The following GPM6A variants were observed in gnomAD, a reference collection of about 807,000 sequenced individuals.
GPM6A encodes glycoprotein M6A, also known as neuronal membrane glycoprotein M6-a.
GPM6A carries 7 observed loss-of-function variants against 32.1 expected under a neutral mutation model. The ratio of observed to expected loss-of-function variants is 0.22; its 90% CI spans 0.12 to 0.41. The LOEUF (loss-of-function observed/expected upper bound fraction) is 0.41. GPM6A is among the 10% of genes least tolerant of loss of function. The probability of loss-of-function intolerance (pLI) is 1.00; values close to 1 mark genes in which losing one functional copy is unlikely to be tolerated. For synonymous variants in GPM6A, 130 were observed against 123.4 expected, an observed-to-expected ratio of 1.05 and a Z score of -0.35; for missense variants, 235 against 347.2, an observed-to-expected ratio of 0.68 and a Z score of 2.57.
At chr4:175,970,893 T>C (rs1173879802) in intron 1 of GPM6A, 2 of 450,964 alleles carry the variant, frequency 4.4e-6, no homozygotes, top group Non-Finnish European at 8.8e-6. Context: ...CATCACTCGA[T>C]ACCGACAGAC....
chr4:175,643,971 C>G (rs1741302556), intron 4 of GPM6A, among the ~76,000 whole-genome samples: 1 of 152,100 alleles, frequency 6.6e-6, no homozygotes, highest in African/African-American at 2.4e-5. Context: ...AGGGAAGAAC[C>G]AGGTGAGAAG....
At chr4:175,676,894 T>C (rs561719759) in intron 2 of GPM6A, among the ~76,000 whole-genome samples, 52 of 152,352 alleles carry the variant, frequency 3.4e-4, no homozygotes, top group Non-Finnish European at 6.2e-4. Context: ...AGAAAATAAA[T>C]TTGATTTGAA....
intron 1 of GPM6A, among the ~76,000 whole-genome samples, chr4:175,995,103 T>G (rs527633890): frequency 1.6e-3 from 244 of 152,262 alleles, no homozygotes; most frequent in South Asian, 0.016. Context: ...AGTTACTTCC[T>G]CCACTGAAGG....
At chr4:175,763,399 C>A (rs555195833) in intron 1 of GPM6A, among the ~76,000 whole-genome samples, 1 of 152,248 alleles carries the variant, frequency 6.6e-6, no homozygotes, top group South Asian at 2.1e-4. Flanking sequence ...TGATTACCAT[C>A]AAGTATTTTG....
intron 1 of GPM6A, among the ~76,000 whole-genome samples, chr4:175,826,334 CGT>C (rs142364470): frequency 5.3e-5 from 8 of 149,778 alleles, no homozygotes; most frequent in East Asian, 2.0e-4. Context: ...GTGGCGTACA[CGT>C]GTGTGTGTGT....
intron 1 of GPM6A, among the ~76,000 whole-genome samples, chr4:175,776,021 G>A (rs915345241): frequency 7.9e-5 from 12 of 151,996 alleles, no homozygotes; most frequent in African/African-American, 2.9e-4. Flanking sequence ...AAAAAGCCAA[G>A]GACACAATAT....
chr4:175,686,364 G>A (rs1445536423), intron 2 of GPM6A, among the ~76,000 whole-genome samples: 2 of 152,144 alleles, frequency 1.3e-5, no homozygotes, highest in Non-Finnish European at 2.9e-5. Context: ...ACTTAACATG[G>A]CAAAGGAGTG....
At chr4:175,796,819 T>C (rs561058933) in intron 1 of GPM6A, among the ~76,000 whole-genome samples, 11 of 152,284 alleles carry the variant, frequency 7.2e-5, no homozygotes, top group East Asian at 1.9e-4. Flanking sequence ...ATGAAGGAGC[T>C]TGAAGACTGC....
intron 1 of GPM6A, among the ~76,000 whole-genome samples, chr4:175,801,533 T>A (rs1734471082): frequency 6.6e-6 from 1 of 152,044 alleles, no homozygotes; most frequent in South Asian, 2.1e-4. Flanking sequence ...GCAAAATACA[T>A]TTGTCAGTTA....
intron 1 of GPM6A, among the ~76,000 whole-genome samples, chr4:175,718,948 AAATTCAAATTCTCTTT>A: frequency 6.6e-6 from 1 of 152,186 alleles, no homozygotes; most frequent in Non-Finnish European, 1.5e-5. Flanking sequence ...AGAAATTAAA[AAATTCAAATTCTCTTT>A]AAAAAGAGAA....
At chr4:175,878,746 A>G (rs1459579942) in intron 1 of GPM6A, among the ~76,000 whole-genome samples, 1 of 151,988 alleles carries the variant, frequency 6.6e-6, no homozygotes, top group African/African-American at 2.4e-5. Context: ...TTGTCTCCTC[A>G]TTACTTGTGC....
rs577716374 is a variant in GPM6A at position 175,945,794 on chromosome 4, G to T, written c.-23+56515C>A. On this transcript the variant is annotated intron_variant, in intron 1 of 7. Transcript: ENST00000280187. ...TATTACATACAACTCAGTAATACGGGTGCATATTACGTACAACTCAGTAAT... is the reference window on the plus strand; with the variant it reads ...TATTACATACAACTCAGTAATACGGTTGCATATTACGTACAACTCAGTAAT... Among the ~76,000 whole-genome samples, 454 of 147,226 alleles carry T rather than the reference G, an allele frequency of 3.1e-3. 1 individual carries two copies. The highest frequency in any genetic ancestry group is 0.011 in the African/African-American group (410 of 37,256).
At chr4:175,781,274 TC>T (rs1733605197) in intron 1 of GPM6A, 1 of 152,176 alleles carries the variant, frequency 6.6e-6, no homozygotes, top group Admixed American at 6.5e-5. Context: ...GACTGAGGAA[TC>T]CCAGGTGGTC....
Position 175,634,767 on chromosome 4 carries a change from T to TTTATGTTATGAATC in GPM6A, c.*137_*138insGATTCATAACATAA. On this transcript the variant is annotated 3_prime_UTR_variant, in exon 7 of 7. Coordinates refer to ENST00000393658, the MANE Select transcript of GPM6A (RefSeq NM_201591.3). ...TTAAGTGCTAAACAACAAAGAATTG[T>TTTATGTTATGAATC]ACTCAGGTGATTCATAAGTCACCTT... is the stretch of plus-strand genomic sequence containing the variant. 1 of 626,664 alleles carries TTTATGTTATGAATC rather than the reference T, an allele frequency of 1.6e-6. No individual in the cohort carries two copies. The highest frequency in any genetic ancestry group is 2.8e-6 in the Non-Finnish European group (1 of 359,686). The allele number at this position is 626,664 out of a possible 1,614,324, so 38.8% of individuals were successfully genotyped here.
intron 1 of GPM6A, among the ~76,000 whole-genome samples, chr4:175,988,100 A>G (rs1015603538): frequency 6.6e-6 from 1 of 152,158 alleles, no homozygotes; most frequent in Non-Finnish European, 1.5e-5. Flanking sequence ...AACCATAGCT[A>G]TCTCCTCTCT....
At chr4:175,645,219 G>C (rs549315090) in intron 4 of GPM6A, among the ~76,000 whole-genome samples, 2 of 152,290 alleles carry the variant, frequency 1.3e-5, no homozygotes, top group East Asian at 1.9e-4. Flanking sequence ...GGCTTCTTTA[G>C]TACCTTATAT....
At chr4:175,853,494 C>A (rs957091385) in intron 1 of GPM6A, among the ~76,000 whole-genome samples, 33 of 125,814 alleles carry the variant, frequency 2.6e-4, no homozygotes, top group African/African-American at 9.4e-4. Context: ...ATTGGGAATT[C>A]AAACAAGTTC....
chr4:175,803,054 T>A (rs1015983893), intron 1 of GPM6A, among the ~76,000 whole-genome samples: 7 of 151,946 alleles, frequency 4.6e-5, no homozygotes, highest in African/African-American at 1.7e-4. Context: ...AGGGGAAAAA[T>A]TGTGTTTTAT....
chr4:175,663,972 A>G (rs957826741), intron 3 of GPM6A, among the ~76,000 whole-genome samples: 2 of 152,196 alleles, frequency 1.3e-5, no homozygotes, highest in African/African-American at 2.4e-5. Flanking sequence ...GAGTACAGGC[A>G]TGAGCCACCG....
Sources: allele counts gnomAD v4.1 joint callset (sites outside exome capture counted in the v4.1 genomes callset), GRCh38; gene constraint gnomAD v4.1.1; transcripts MANE v1.5; gene names NCBI Gene and HGNC (gene_info 2026-07-23, HGNC 2026-07-21).